Variants in GARIN5A observed in about 807,000 individuals in gnomAD.
GARIN5A encodes the protein Golgi-associated RAB2 interactor protein 5A.
At chr19:50,472,726 T>C in the GARIN5A span, among the ~76,000 whole-genome samples, 10 of 151,298 alleles carry the variant, frequency 6.6e-5, no homozygotes, top group East Asian at 9.7e-4. Context: ...GAGACCTGTC[T>C]CTACAAAAAA....
the GARIN5A span, among the ~76,000 whole-genome samples, chr19:50,470,280 G>A: frequency 1.3e-5 from 2 of 152,194 alleles, no homozygotes; most frequent in East Asian, 1.9e-4. Context: ...TTGGGAGGCC[G>A]AGGCAGGCGG....
the GARIN5A span, chr19:50,467,972 A>C: frequency 1.8e-5 from 13 of 705,644 alleles, no homozygotes; most frequent in Admixed American, 4.8e-5. Flanking sequence ...ACTTGAGTCC[A>C]TTCCCAACTT....
the GARIN5A span, among the ~76,000 whole-genome samples, chr19:50,471,791 C>A: frequency 1.3e-5 from 2 of 150,248 alleles, no homozygotes; most frequent in Non-Finnish European, 2.9e-5. Flanking sequence ...TATACGCATA[C>A]ATGCATGTGT....
the GARIN5A span, chr19:50,475,980 C>T: frequency 6.2e-7 from 1 of 1,605,002 alleles, no homozygotes; most frequent in Admixed American, 1.7e-5. Context: ...GGGGTCGATC[C>T]TGGGAGGCTG....
At chr19:50,476,545 A>T in the GARIN5A span, 1 of 1,572,866 alleles carries the variant, frequency 6.4e-7, no homozygotes, top group Non-Finnish European at 8.6e-7. Context: ...AGAAGCCGAG[A>T]TGGCGGCAGC....
the GARIN5A span, among the ~76,000 whole-genome samples, chr19:50,472,203 T>C: frequency 1.4e-5 from 2 of 143,480 alleles, no homozygotes; most frequent in Non-Finnish European, 3.0e-5. Context: ...TGTGTGCATG[T>C]ATATACATGT....
chr19:50,476,279 T>C, the GARIN5A span: 14 of 1,607,004 alleles, frequency 8.7e-6, no homozygotes, highest in Admixed American at 1.7e-4. Context: ...CACTGTGACG[T>C]CATGATGCGG....
chr19:50,476,416 A>G, the GARIN5A span: 2 of 1,546,668 alleles, frequency 1.3e-6, no homozygotes, highest in East Asian at 2.3e-5. Context: ...CCAGGTGCGG[A>G]CGGGTGCCAG....
the GARIN5A span, chr19:50,475,249 A>T: frequency 2.0e-6 from 3 of 1,497,952 alleles, no homozygotes; most frequent in Non-Finnish European, 2.7e-6. Context: ...GGTCTGGACG[A>T]GGGGAGGTAC....
At chr19:50,471,848 A>G in the GARIN5A span, among the ~76,000 whole-genome samples, 4 of 150,780 alleles carry the variant, frequency 2.7e-5, no homozygotes, top group African/African-American at 7.4e-5. Context: ...CTGTGTGCAT[A>G]CGCATACATA....
At chr19:50,472,118 GTA>G in the GARIN5A span, among the ~76,000 whole-genome samples, 1 of 150,582 alleles carries the variant, frequency 6.6e-6, no homozygotes, top group East Asian at 2.0e-4. Context: ...GTGTGTATAT[GTA>G]TATATACGTG....
At chr19:50,471,776 GTGTGTATACGCATACATGCA>G in the GARIN5A span, among the ~76,000 whole-genome samples, 139 of 113,422 alleles carry the variant, frequency 1.2e-3, 2 homozygotes, top group African/African-American at 5.9e-3. Context: ...ATACATACCT[GTGTGTATACGCATACATGCA>G]TGTGTATACG....
the GARIN5A span, chr19:50,475,684 T>TAGA: frequency 1.4e-6 from 1 of 691,502 alleles, no homozygotes; most frequent in Non-Finnish European, 2.5e-6. Flanking sequence ...TCTAGAGAAC[T>TAGA]AGAAGTATGG....
chr19:50,475,873 T>G, the GARIN5A span: 2 of 1,613,932 alleles, frequency 1.2e-6, no homozygotes, highest in Non-Finnish European at 1.7e-6. Flanking sequence ...GTCCCGAAAC[T>G]GGTCGAATTC....
the GARIN5A span, among the ~76,000 whole-genome samples, chr19:50,469,310 G>A: frequency 7.9e-5 from 12 of 152,306 alleles, no homozygotes; most frequent in South Asian, 2.3e-3. Context: ...TGTGTTTCAG[G>A]AGGCATGTTC....
At chr19:50,472,229 CATGT>C in the GARIN5A span, among the ~76,000 whole-genome samples, 34 of 80,800 alleles carry the variant, frequency 4.2e-4, no homozygotes, top group African/African-American at 1.3e-3. Flanking sequence ...TGTATATATA[CATGT>C]ATGTGTGTAT....
chr19:50,470,769 C>T, the GARIN5A span, among the ~76,000 whole-genome samples: 1 of 151,282 alleles, frequency 6.6e-6, no homozygotes, highest in Non-Finnish European at 1.5e-5. Context: ...ATTCTCCTGC[C>T]TCAGCCTCCC....
the GARIN5A span, chr19:50,476,028 C>A: frequency 1.9e-6 from 3 of 1,605,692 alleles, no homozygotes; most frequent in South Asian, 1.1e-5. Flanking sequence ...GGCACAGCCC[C>A]GCGGAGAGGA....
At chr19:50,468,310 C>A in the GARIN5A span, among the ~76,000 whole-genome samples, 1 of 146,570 alleles carries the variant, frequency 6.8e-6, no homozygotes. Context: ...TGCAGTGAGC[C>A]GAGATCACGC....
Sources: gnomAD v4.1 joint callset for allele counts (sites outside exome capture counted in the v4.1 genomes callset) on GRCh38, gnomAD v4.1.1 for gene constraint, MANE v1.5 for transcripts, NCBI Gene and HGNC (gene_info 2026-07-23, HGNC 2026-07-21) for gene names.